NALF1: variants seen among roughly 807,000 people sequenced by gnomAD.
NALF1 encodes the protein NALCN channel auxiliary factor 1.
In NALF1, 3 loss-of-function variants were observed where a neutral mutation model predicts 48.4. The observed-to-expected ratio is 0.06, with a 90% CI of 0.03 to 0.16. The LOEUF (loss-of-function observed/expected upper bound fraction) is 0.16. Among genes scored for constraint, NALF1 ranks in the 10% least tolerant of loss-of-function variants. The probability of loss-of-function intolerance (pLI) is 1.00; values close to 1 mark genes in which losing one functional copy is unlikely to be tolerated. For missense variants in NALF1, 526 were observed against 571.5 expected (o/e 0.92, Z 0.81); for synonymous variants, 262 against 245.7 (o/e 1.07, Z -0.62).
intron 1 of NALF1, among the ~76,000 whole-genome samples, chr13:107,453,818 A>G (rs1436246103): frequency 6.6e-6 from 1 of 152,200 alleles, no homozygotes; most frequent in Non-Finnish European, 1.5e-5. Context: ...TTGTGAATGC[A>G]TAAAACTTAA....
At chr13:107,842,916 C>G (rs569508327) in intron 1 of NALF1, among the ~76,000 whole-genome samples, 1 of 152,160 alleles carries the variant, frequency 6.6e-6, no homozygotes, top group Non-Finnish European at 1.5e-5. Context: ...TAGGATACGG[C>G]CCCCTTCCCC....
At chr13:107,446,156 C>T (rs149516091) in intron 1 of NALF1, among the ~76,000 whole-genome samples, 4,458 of 152,200 alleles carry the variant, frequency 0.029, 230 homozygotes, top group African/African-American at 0.1. Context: ...CCAGGATGGT[C>T]TCGATCTCTT....
At chr13:107,186,153 T>A (rs1392327464) in intron 2 of NALF1, among the ~76,000 whole-genome samples, 1 of 152,114 alleles carries the variant, frequency 6.6e-6, no homozygotes, top group African/African-American at 2.4e-5. Context: ...TGAAAAAATA[T>A]AGTATACAAA....
chr13:107,238,104 T>G (rs567989466), intron 1 of NALF1, among the ~76,000 whole-genome samples: 21 of 152,252 alleles, frequency 1.4e-4, no homozygotes, highest in Admixed American at 1.0e-3. Context: ...TAAGGCTCAG[T>G]TTTTAGGATG....
chr13:107,371,370 C>G (rs1018396544), intron 1 of NALF1, among the ~76,000 whole-genome samples: 2 of 152,018 alleles, frequency 1.3e-5, no homozygotes, highest in African/African-American at 4.8e-5. Flanking sequence ...TCGCTTGAGC[C>G]CAGGAAGTGG....
intron 1 of NALF1, among the ~76,000 whole-genome samples, chr13:107,806,168 G>C (rs182258561): frequency 1.3e-5 from 2 of 152,272 alleles, no homozygotes; most frequent in African/African-American, 4.8e-5. Context: ...GGCTGACCTA[G>C]ATTCCAATAC....
intron 1 of NALF1, among the ~76,000 whole-genome samples, chr13:107,314,176 C>G (rs1311726971): frequency 6.6e-6 from 1 of 152,146 alleles, no homozygotes; most frequent in African/African-American, 2.4e-5. Context: ...CTGTTTCTCT[C>G]CAGCCCCACA....
At chr13:107,624,536 A>T (rs1420895341) in intron 1 of NALF1, among the ~76,000 whole-genome samples, 2 of 152,194 alleles carry the variant, frequency 1.3e-5, no homozygotes, top group Non-Finnish European at 2.9e-5. Flanking sequence ...AGATTTTTAA[A>T]GGACAGCATA....
At chr13:107,361,466 A>G (rs1883059166) in intron 1 of NALF1, among the ~76,000 whole-genome samples, 1 of 152,172 alleles carries the variant, frequency 6.6e-6, no homozygotes, top group Non-Finnish European at 1.5e-5. Flanking sequence ...CATTCAAGGC[A>G]AAAGGACTGT....
intron 1 of NALF1, among the ~76,000 whole-genome samples, chr13:107,268,575 G>A (rs1016461307): frequency 6.6e-6 from 1 of 152,170 alleles, no homozygotes; most frequent in Non-Finnish European, 1.5e-5. Context: ...TAAAGGATGT[G>A]TAATATCTCT....
intron 1 of NALF1, among the ~76,000 whole-genome samples, chr13:107,789,415 T>C (rs751775101): frequency 7.9e-5 from 12 of 152,218 alleles, no homozygotes; most frequent in Non-Finnish European, 1.5e-4. Flanking sequence ...CTTAAAATCA[T>C]AAAAAGTTCC....
At chr13:107,623,439 G>C (rs1463401402) in intron 1 of NALF1, among the ~76,000 whole-genome samples, 1 of 139,040 alleles carries the variant, frequency 7.2e-6, no homozygotes, top group East Asian at 2.4e-4. Context: ...ACAGAGTAAA[G>C]AAATTAGAAA....
At chr13:107,810,583 T>A (rs73587731) in intron 1 of NALF1, among the ~76,000 whole-genome samples, 1 of 152,086 alleles carries the variant, frequency 6.6e-6, no homozygotes, top group African/African-American at 2.4e-5. Flanking sequence ...CATCTTAAAC[T>A]GGGTAGATAT....
At chr13:107,252,088 C>A (rs1405100807) in intron 1 of NALF1, among the ~76,000 whole-genome samples, 1 of 152,060 alleles carries the variant, frequency 6.6e-6, no homozygotes. Flanking sequence ...GGAAGTGGAG[C>A]CTCTACCACC....
At chr13:107,363,624 TA>T (rs1227854692) in intron 1 of NALF1, among the ~76,000 whole-genome samples, 1 of 152,176 alleles carries the variant, frequency 6.6e-6, no homozygotes, top group African/African-American at 2.4e-5. Context: ...TAAATTTATT[TA>T]ATATTAATTA....
intron 1 of NALF1, among the ~76,000 whole-genome samples, chr13:107,650,423 G>A (rs182299253): frequency 2.7e-4 from 25 of 93,060 alleles, no homozygotes; most frequent in African/African-American, 8.7e-4. Context: ...CAAATTAACA[G>A]CATTTGCAGT....
intron 1 of NALF1, among the ~76,000 whole-genome samples, chr13:107,708,356 A>G (rs1367044044): frequency 6.6e-6 from 1 of 152,170 alleles, no homozygotes; most frequent in Non-Finnish European, 1.5e-5. Flanking sequence ...ATCTCCTGAA[A>G]TGCTCTCCAT....
intron 1 of NALF1, among the ~76,000 whole-genome samples, chr13:107,368,003 A>G (rs1487030819): frequency 6.6e-6 from 1 of 152,214 alleles, no homozygotes; most frequent in East Asian, 1.9e-4. Flanking sequence ...GAATACTTTC[A>G]TGTGAATAAT....
intron 1 of NALF1, among the ~76,000 whole-genome samples, chr13:107,220,838 G>A (rs912506028): frequency 6.6e-6 from 1 of 151,970 alleles, no homozygotes. Context: ...AGAGAGGAGT[G>A]GGGTGGAGGT....
Sources: allele counts gnomAD v4.1 joint callset (sites outside exome capture counted in the v4.1 genomes callset), GRCh38; gene constraint gnomAD v4.1.1; transcripts MANE v1.5; gene names NCBI Gene and HGNC (gene_info 2026-07-23, HGNC 2026-07-21).